CNTN5: variants seen among roughly 807,000 people sequenced by gnomAD.
The protein encoded by CNTN5 is contactin-5.
CNTN5 carries 77 observed loss-of-function variants against 129.1 expected under a neutral mutation model. The observed-to-expected ratio is 0.60, with a 90% CI of 0.50 to 0.72. CNTN5 has a LOEUF of 0.72. Ranked by LOEUF, CNTN5 falls within the 30% of genes least tolerant of loss-of-function variation. The pLI is 0.00. For missense variants in CNTN5, 1,478 were observed against 1,328.8 expected, an observed-to-expected ratio of 1.11 and a Z score of -1.75; for synonymous variants, 509 against 465.6, an observed-to-expected ratio of 1.09 and a Z score of -1.20.
At chr11:99,674,683 G>A (rs1953195269) in intron 3 of CNTN5, among the ~76,000 whole-genome samples, 1 of 152,064 alleles carries the variant, frequency 6.6e-6, no homozygotes, top group African/African-American at 2.4e-5. Context: ...CTGAGACAAG[G>A]ATTGTCTCGA....
At chr11:99,869,896 A>G (rs1191562309) in intron 6 of CNTN5, among the ~76,000 whole-genome samples, 2 of 152,148 alleles carry the variant, frequency 1.3e-5, no homozygotes, top group Admixed American at 6.5e-5. Context: ...TTTTCCAGAA[A>G]GTTTTGAGCA....
chr11:99,131,483 A>T (rs969649000), intron 1 of CNTN5, among the ~76,000 whole-genome samples: 5 of 151,864 alleles, frequency 3.3e-5, no homozygotes, highest in Non-Finnish European at 5.9e-5. Flanking sequence ...TTTTTGAAAA[A>T]ATCAATAAAA....
chr11:99,149,495 A>G (rs754271265), intron 1 of CNTN5, among the ~76,000 whole-genome samples: 21 of 152,164 alleles, frequency 1.4e-4, no homozygotes, highest in Admixed American at 7.9e-4. Context: ...TACTAGATGT[A>G]TAAAATCATA....
At chr11:100,213,384 C>G (rs1177304931) in intron 15 of CNTN5, among the ~76,000 whole-genome samples, 1 of 152,116 alleles carries the variant, frequency 6.6e-6, no homozygotes, top group Non-Finnish European at 1.5e-5. Context: ...TACAGGGTCT[C>G]TTGTAATACT....
chr11:99,440,130 A>G lies in CNTN5; in HGVS notation c.-71+114646A>G, dbSNP rs573661490. On this transcript the variant is annotated intron_variant, in intron 2 of 24. Coordinates refer to ENST00000524871, the MANE Select transcript of CNTN5 (RefSeq NM_014361.4). ...AAAACATTCCTTCACATTTTTTTCTATAACTTTCAATAAATGAGGATAATT... is the reference window on the plus strand; with the variant it reads ...AAAACATTCCTTCACATTTTTTTCTGTAACTTTCAATAAATGAGGATAATT... Among the ~76,000 whole-genome samples, 3 of 152,280 alleles carry G rather than the reference A, an allele frequency of 2.0e-5. No homozygotes were observed. In the East Asian group the frequency reaches 5.8e-4, roughly 29 times the overall value.
chr11:99,860,430 T>C (rs1022975069), intron 6 of CNTN5, among the ~76,000 whole-genome samples: 9 of 152,194 alleles, frequency 5.9e-5, no homozygotes, highest in Non-Finnish European at 1.0e-4. Context: ...AGGATTCTTA[T>C]AGCTATAGGT....
At chr11:99,991,872 G>A (rs993782979) in intron 8 of CNTN5, among the ~76,000 whole-genome samples, 23 of 152,116 alleles carry the variant, frequency 1.5e-4, no homozygotes, top group Non-Finnish European at 2.5e-4. Context: ...ACAGGACAAA[G>A]GGGTAATCAA....
At chr11:99,447,848 C>T (rs1944133684) in intron 2 of CNTN5, among the ~76,000 whole-genome samples, 1 of 152,068 alleles carries the variant, frequency 6.6e-6, no homozygotes, top group South Asian at 2.1e-4. Context: ...TTGTTTGAAC[C>T]CAGGAGGCAG....
rs200782236 is a variant in CNTN5 at position 99,126,918 on chromosome 11, T to C, written c.-210+105648T>C. Among the ~76,000 whole-genome samples the C allele has an allele frequency of 3.9e-5, 6 of 152,284 alleles. No individual in the cohort carries two copies. In the East Asian group the frequency reaches 1.2e-3, roughly 29 times the overall value. ...CCTTTCTATACATCACTTTACAAAA[T>C]GTCAGAGCCCAGGAGGAATTTGAGT... On this transcript the variant is annotated intron_variant, in intron 1 of 24. Coordinates refer to ENST00000524871, the MANE Select transcript of CNTN5 (RefSeq NM_014361.4).
At chr11:99,110,957 A>G (rs1320542984) in intron 1 of CNTN5, among the ~76,000 whole-genome samples, 1 of 152,082 alleles carries the variant, frequency 6.6e-6, no homozygotes, top group Non-Finnish European at 1.5e-5. Flanking sequence ...TTGTCATTGC[A>G]ACATAATTTA....
At chr11:100,042,227 C>CTT (rs536805150) in intron 9 of CNTN5, among the ~76,000 whole-genome samples, 1 of 140,608 alleles carries the variant, frequency 7.1e-6, no homozygotes, top group African/African-American at 2.6e-5. Flanking sequence ...TGTTCTCTCT[C>CTT]TTTTTTTTTT....
At chr11:99,904,731 T>A (rs1436502992) in intron 6 of CNTN5, among the ~76,000 whole-genome samples, 1 of 152,196 alleles carries the variant, frequency 6.6e-6, no homozygotes, top group Non-Finnish European at 1.5e-5. Context: ...TCTTCCACAA[T>A]GGTTGAACTA....
At chr11:99,575,667 C>A (rs1002629044) in intron 3 of CNTN5, among the ~76,000 whole-genome samples, 6 of 152,118 alleles carry the variant, frequency 3.9e-5, no homozygotes, top group African/African-American at 1.4e-4. Flanking sequence ...CATACTGAAT[C>A]CCAGCATTTG....
At chr11:99,229,710 A>T (rs901362364) in intron 1 of CNTN5, among the ~76,000 whole-genome samples, 2 of 152,088 alleles carry the variant, frequency 1.3e-5, no homozygotes, top group Non-Finnish European at 2.9e-5. Flanking sequence ...CCTTGAAAGA[A>T]TTCATGTTTC....
chr11:100,316,113 C>T (rs1951567988), intron 21 of CNTN5, among the ~76,000 whole-genome samples: 1 of 152,146 alleles, frequency 6.6e-6, no homozygotes, highest in Admixed American at 6.5e-5. Flanking sequence ...CTTTTCAGAA[C>T]ATAAAAGGAT....
intron 6 of CNTN5, among the ~76,000 whole-genome samples, chr11:99,873,382 C>G (rs1591346172): frequency 6.6e-6 from 1 of 151,766 alleles, no homozygotes; most frequent in Admixed American, 6.6e-5. Flanking sequence ...AACTAACAAC[C>G]CCATTAGAAA....
chr11:99,424,166 A>T (rs1943017040), intron 2 of CNTN5, among the ~76,000 whole-genome samples: 1 of 152,236 alleles, frequency 6.6e-6, no homozygotes, highest in Non-Finnish European at 1.5e-5. Flanking sequence ...AACAATTTTA[A>T]CAATATGGCA....
chr11:100,003,156 A>G (rs1939983735), intron 9 of CNTN5, among the ~76,000 whole-genome samples: 1 of 152,186 alleles, frequency 6.6e-6, no homozygotes, highest in East Asian at 1.9e-4. Flanking sequence ...ACATATATGC[A>G]ATTCTACTTT....
intron 1 of CNTN5, among the ~76,000 whole-genome samples, chr11:99,056,225 G>A (rs942848965): frequency 7.9e-5 from 12 of 151,788 alleles, no homozygotes; most frequent in African/African-American, 1.9e-4. Context: ...CACCAAATAC[G>A]TATTTTCTAC....
Sources: allele counts gnomAD v4.1 joint callset (sites outside exome capture counted in the v4.1 genomes callset), GRCh38; gene constraint gnomAD v4.1.1; transcripts MANE v1.5; gene names NCBI Gene and HGNC (gene_info 2026-07-23, HGNC 2026-07-21).